The following MAD1L1 variants were observed in gnomAD, a reference collection of about 807,000 sequenced individuals.
MAD1L1 encodes the protein mitotic arrest deficient 1 like 1.
Under a neutral mutation model 96.9 loss-of-function variants are expected in MAD1L1, and 95 were observed. That is an observed-to-expected ratio of 0.98 (90% CI 0.83 to 1.16). MAD1L1 has a LOEUF of 1.16. MAD1L1 is among the 50% of genes most tolerant of loss of function. MAD1L1 has a pLI of 0.00. For synonymous variants in MAD1L1, 473 were observed against 396.6 expected (o/e 1.19, Z -2.29); for missense variants, 1,007 against 954.4 (o/e 1.06, Z -0.73).
intron 17 of MAD1L1, among the ~76,000 whole-genome samples, chr7:1,928,344 G>A (rs944998915): frequency 4.1e-4 from 62 of 151,490 alleles, no homozygotes; most frequent in African/African-American, 1.5e-3. Flanking sequence ...AGCCCACGAC[G>A]GAACTCCTGC....
At chr7:2,158,033 G>C (rs931620815) in intron 10 of MAD1L1, among the ~76,000 whole-genome samples, 2 of 152,268 alleles carry the variant, frequency 1.3e-5, no homozygotes, top group African/African-American at 4.8e-5. Context: ...TGACACGGCA[G>C]TGACAGTTCC....
chr7:2,088,359 C>T lies in MAD1L1; in HGVS notation c.1074-19021G>A, dbSNP rs906985619. Among the ~76,000 whole-genome samples the T allele has an allele frequency of 2.6e-5, 4 of 152,336 alleles. No homozygotes were observed. In the East Asian group the frequency reaches 7.7e-4, roughly 29 times the overall value. On this transcript the variant is annotated intron_variant, in intron 11 of 18. Coordinates refer to ENST00000265854, the MANE Select transcript of MAD1L1 (RefSeq NM_001013836.2). The surrounding 1 kb of genome is among the most constrained non-coding windows in gnomAD (Gnocchi z 4.4). ...GTGCTACCCTGGTTCCGTGTCGGCG[C>T]CAGCCCTCCAACCTTCTGGCCCACA...
chr7:2,053,506 G>A (rs1031819149), intron 12 of MAD1L1, among the ~76,000 whole-genome samples: 6 of 152,378 alleles, frequency 3.9e-5, no homozygotes, highest in South Asian at 4.1e-4. Flanking sequence ...GGACGCCGGG[G>A]ATGATCTGGG....
intron 13 of MAD1L1, among the ~76,000 whole-genome samples, chr7:2,005,587 G>A (rs559136846): frequency 2.0e-5 from 3 of 152,266 alleles, no homozygotes; most frequent in South Asian, 2.1e-4. Flanking sequence ...AACTGCTTGA[G>A]GTTAGGAGTT....
At chr7:2,140,119 G>T (rs942191912) in intron 11 of MAD1L1, among the ~76,000 whole-genome samples, 4 of 151,970 alleles carry the variant, frequency 2.6e-5, no homozygotes, top group African/African-American at 9.7e-5. Context: ...CTTGGCTCAA[G>T]ATCACCTACA....
intron 10 of MAD1L1, among the ~76,000 whole-genome samples, chr7:2,156,636 A>G (rs775042137): frequency 2.0e-5 from 3 of 152,166 alleles, no homozygotes; most frequent in Non-Finnish European, 4.4e-5. Flanking sequence ...CCTGGCCAAC[A>G]TGGTGAAACC....
chr7:1,867,347 C>CT (rs1784825321), intron 18 of MAD1L1, among the ~76,000 whole-genome samples: 1 of 152,112 alleles, frequency 6.6e-6, no homozygotes, highest in Non-Finnish European at 1.5e-5. Flanking sequence ...CGCAGGACCC[C>CT]CCCGGAAGAT....
chr7:2,096,417 C>G (rs994936642), intron 11 of MAD1L1, among the ~76,000 whole-genome samples: 1 of 152,212 alleles, frequency 6.6e-6, no homozygotes, highest in Non-Finnish European at 1.5e-5. Context: ...GGCCGAACCT[C>G]AGTGCGGACT....
chr7:2,070,977 A>G (rs1157572600), intron 11 of MAD1L1, among the ~76,000 whole-genome samples: 12 of 141,514 alleles, frequency 8.5e-5, no homozygotes, highest in East Asian at 2.1e-4. Context: ...TTTCTTGGGC[A>G]GTGGTTTGGG....
chr7:2,144,468 C>T (rs1276535216), intron 11 of MAD1L1, among the ~76,000 whole-genome samples: 1 of 152,222 alleles, frequency 6.6e-6, no homozygotes, highest in African/African-American at 2.4e-5. Context: ...AGCATGGCCC[C>T]ACGCATCCCT....
intron 18 of MAD1L1, among the ~76,000 whole-genome samples, chr7:1,888,207 T>G (rs920464569): frequency 6.6e-6 from 1 of 151,498 alleles, no homozygotes; most frequent in Admixed American, 6.6e-5. Flanking sequence ...TGTGGCTGCC[T>G]GTGCATGTGT....
At chr7:2,015,885 G>A (rs527514058) in intron 12 of MAD1L1, among the ~76,000 whole-genome samples, 5 of 152,340 alleles carry the variant, frequency 3.3e-5, no homozygotes, top group African/African-American at 4.8e-5. Context: ...ACATCTAACT[G>A]ATGCTCTCAG....
At chr7:1,863,825 C>T (rs1332387873) in intron 18 of MAD1L1, among the ~76,000 whole-genome samples, 1 of 152,160 alleles carries the variant, frequency 6.6e-6, no homozygotes, top group Non-Finnish European at 1.5e-5. Flanking sequence ...GCGGTGGCTC[C>T]TGCCTGTAAT....
chr7:1,911,040 C>G (rs1177691947), intron 17 of MAD1L1, among the ~76,000 whole-genome samples: 2 of 151,806 alleles, frequency 1.3e-5, no homozygotes, highest in Admixed American at 6.6e-5. Flanking sequence ...GCCCACAGCC[C>G]TGATTAGCCG....
At chr7:1,990,560 A>G (rs1353472789) in intron 14 of MAD1L1, among the ~76,000 whole-genome samples, 1 of 152,176 alleles carries the variant, frequency 6.6e-6, no homozygotes, top group Non-Finnish European at 1.5e-5. Flanking sequence ...TTCTCCTCAG[A>G]AAAAAACAGC....
intron 14 of MAD1L1, among the ~76,000 whole-genome samples, chr7:1,998,026 G>A (rs993205550): frequency 2.6e-5 from 4 of 152,150 alleles, no homozygotes; most frequent in Admixed American, 6.5e-5. Flanking sequence ...AGGCATTAGC[G>A]CTTAAACGGT....
chr7:1,896,655 C>T (rs953091094), intron 18 of MAD1L1, among the ~76,000 whole-genome samples: 3 of 152,216 alleles, frequency 2.0e-5, no homozygotes, highest in African/African-American at 7.2e-5. Context: ...GGGAAGATGA[C>T]GAGTGGCTTG....
At chr7:2,137,193 G>A (rs1316215187) in intron 11 of MAD1L1, among the ~76,000 whole-genome samples, 2 of 152,204 alleles carry the variant, frequency 1.3e-5, no homozygotes. Context: ...CCCAGCAAGG[G>A]CCCTTCTCCC....
intron 18 of MAD1L1, among the ~76,000 whole-genome samples, chr7:1,873,491 G>C (rs1428405989): frequency 7.2e-5 from 11 of 152,096 alleles, no homozygotes; most frequent in Non-Finnish European, 1.5e-5. Flanking sequence ...GCTAGTAGGA[G>C]CACGGCACGG....
Sources: allele counts gnomAD v4.1 joint callset (sites outside exome capture counted in the v4.1 genomes callset), GRCh38; gene constraint gnomAD v4.1.1; non-coding constraint Gnocchi (gnomAD v3.1); transcripts MANE v1.5; gene names NCBI Gene and HGNC (gene_info 2026-07-23, HGNC 2026-07-21).